SPATA6L: variants seen among roughly 807,000 people sequenced by gnomAD.
The protein encoded by SPATA6L is spermatogenesis associated 6 like, also known as spermatogenesis associated 6-like protein.
SPATA6L carries 68 observed loss-of-function variants against 49.2 expected under a neutral mutation model. The observed-to-expected ratio is 1.38, with a 90% CI of 1.14 to 1.69. The LOEUF (loss-of-function observed/expected upper bound fraction) is 1.69. SPATA6L is among the 40% of genes most tolerant of loss of function. SPATA6L has a pLI of 0.00. For missense variants in SPATA6L, 668 were observed against 464.3 expected (o/e 1.44, Z -4.03); for synonymous variants, 198 against 165.7 (o/e 1.19, Z -1.50).
chr9:4,623,666 G>A (rs1013392403), intron 6 of SPATA6L, among the ~76,000 whole-genome samples: 17 of 151,998 alleles, frequency 1.1e-4, no homozygotes, highest in Middle Eastern at 3.2e-3. Context: ...AAAGACTTTG[G>A]CACATAGGAA....
chr9:4,609,759 C>G (rs1403202195), intron 9 of SPATA6L, among the ~76,000 whole-genome samples: 2 of 151,324 alleles, frequency 1.3e-5, no homozygotes, highest in African/African-American at 2.4e-5. Flanking sequence ...CCTCTCTCAC[C>G]ACTCCTATTC....
At chr9:4,616,721 G>C (rs914474000) in intron 9 of SPATA6L, among the ~76,000 whole-genome samples, 1 of 152,188 alleles carries the variant, frequency 6.6e-6, no homozygotes, top group Non-Finnish European at 1.5e-5. Context: ...GAGTAGCTGG[G>C]ATTACAGGCA....
intron 5 of SPATA6L, 83 bp from the exon 6 acceptor site, chr9:4,625,649 G>C (rs781311076): frequency 1.0e-6 from 1 of 998,422 alleles, no homozygotes; most frequent in Non-Finnish European, 1.4e-6. Flanking sequence ...GTATTTAATT[G>C]AATTTTTAAA....
intron 3 of SPATA6L, among the ~76,000 whole-genome samples, chr9:4,636,373 T>C (rs1035745183): frequency 6.6e-6 from 1 of 152,248 alleles, no homozygotes; most frequent in African/African-American, 2.4e-5. Context: ...AAGTTGATTA[T>C]ATTAACTACA....
intron 3 of SPATA6L, 97 bp from the exon 4 acceptor site, chr9:4,635,496 G>A: frequency 2.5e-6 from 3 of 1,208,534 alleles, no homozygotes; most frequent in Non-Finnish European, 3.4e-6. Flanking sequence ...ATGGCACTCA[G>A]GTAAAAATAG....
chr9:4,646,601 A>G (rs983347241), intron 3 of SPATA6L: 96 of 888,850 alleles, frequency 1.1e-4, no homozygotes, highest in Middle Eastern at 2.7e-4. Context: ...TAAGTTTTAA[A>G]CTGTCATAAA....
intron 5 of SPATA6L, chr9:4,626,211 T>A: frequency 3.7e-6 from 1 of 269,044 alleles, no homozygotes; most frequent in South Asian, 6.9e-5. Flanking sequence ...TTCTTCGCCT[T>A]AACAGCTGCA....
At chr9:4,606,943 G>T (rs1372461791) in intron 9 of SPATA6L, among the ~76,000 whole-genome samples, 1 of 145,184 alleles carries the variant, frequency 6.9e-6, no homozygotes, top group East Asian at 2.1e-4. Context: ...ACAGAGAAGT[G>T]CTTAAAGGAG....
At chr9:4,654,823 G>T (rs1341484297) in intron 3 of SPATA6L, among the ~76,000 whole-genome samples, 3 of 152,078 alleles carry the variant, frequency 2.0e-5, no homozygotes, top group Admixed American at 6.5e-5. Context: ...GGCACAGGAT[G>T]GGGGCATGGT....
At chr9:4,595,704 C>G (rs1822203870), downstream of SPATA6L, among the ~76,000 whole-genome samples, 1 of 152,220 alleles carries the variant, frequency 6.6e-6, no homozygotes, top group Admixed American at 6.5e-5. Context: ...CAATACCCCA[C>G]TGTTTCTAAC....
At chr9:4,663,082 G>A (rs368909032) in intron 1 of SPATA6L, 5 of 1,613,950 alleles carry the variant, frequency 3.1e-6, no homozygotes, top group Non-Finnish European at 4.2e-6. Flanking sequence ...ATTCCACTGA[G>A]GGTGCTGGTG....
Position 4,662,726 on chromosome 9 carries a change from G to A in SPATA6L, c.40-690C>T. ...TCGACCTGTGGCTGTCCAAGAAGCTGGGGGTGTGCGCGGGAGAGAGCTCGT... is the reference window on the plus strand; with the variant it reads ...TCGACCTGTGGCTGTCCAAGAAGCTAGGGGTGTGCGCGGGAGAGAGCTCGT... On this transcript the variant is annotated intron_variant, in intron 1 of 11. Transcript: ENST00000682582. The surrounding 1 kb of genome is among the most constrained non-coding windows in gnomAD (Gnocchi z 4.9). The A allele has an allele frequency of 6.2e-7, 1 of 1,602,856 alleles. No homozygotes were observed. The highest frequency in any genetic ancestry group is 8.5e-7 in the Non-Finnish European group (1 of 1,179,928).
chr9:4,638,786 T>C (rs1349678007), intron 3 of SPATA6L, among the ~76,000 whole-genome samples: 1 of 125,008 alleles, frequency 8.0e-6, no homozygotes, highest in Non-Finnish European at 1.6e-5. Context: ...TTTTCTTTTC[T>C]TTTCTTTTTT....
chr9:4,606,043 G>T (rs1404522228), intron 9 of SPATA6L, among the ~76,000 whole-genome samples: 3 of 150,796 alleles, frequency 2.0e-5, no homozygotes, highest in Non-Finnish European at 4.4e-5. Flanking sequence ...TCAAAGAAAG[G>T]GGTGACAGAT....
rs570837452 is a variant in SPATA6L, at chr9:4,643,034, G to A, written c.227-7635C>T. The stretch of plus-strand genomic sequence containing the variant: ...TTATCTATTTATTTATTTAGATGGA[G>A]TCTGGCTCTGTGGCCCAGGCTGGAG... On this transcript the variant is annotated intron_variant, in intron 3 of 11. Coordinates refer to ENST00000682582, the MANE Select transcript of SPATA6L (RefSeq NM_001353486.2). Among the ~76,000 whole-genome samples the A allele has an allele frequency of 1.3e-4, 20 of 152,254 alleles. No homozygotes were observed. In the South Asian group the frequency reaches 4.1e-3, roughly 32 times the overall value.
Position 4,656,089 on chromosome 9 carries a change from C to G in SPATA6L, c.178G>C (p.Val60Leu). 3.7e-6 allele frequency: 6 copies of G among 1,611,872 alleles called. No individual in the cohort carries two copies. Among genetic ancestry groups the G allele is most frequent in the Non-Finnish European group, 5.1e-6 (6 of 1,178,848 alleles). ...CCAGGATCTACTGCACTTTCAAATACCTGCAGAGAAAAATGGGGAAAATAA... is the reference window on the plus strand; with the variant it reads ...CCAGGATCTACTGCACTTTCAAATAGCTGCAGAGAAAAATGGGGAAAATAA... ...MIQESMRFEK[V>L]FESAVDPGAV... The change falls in exon 3 of 12, where the codon GTA (valine) becomes CTA (leucine). Residue 60 changes from valine to leucine, a missense_variant and splice_region_variant. Coordinates refer to ENST00000682582, the MANE Select transcript of SPATA6L (RefSeq NM_001353486.2).
At chr9:4,649,627 T>C (rs1487463193) in intron 3 of SPATA6L, among the ~76,000 whole-genome samples, 4 of 152,216 alleles carry the variant, frequency 2.6e-5, no homozygotes, top group Non-Finnish European at 5.9e-5. Flanking sequence ...CGCAAGATAC[T>C]TCACTGAAAA....
In SPATA6L at chr9:4,598,552, G is replaced by A. The variant is rs1822526046; in HGVS notation, c.*2259C>T. 6.6e-6 allele frequency among the ~76,000 whole-genome samples: 1 copy of A among 152,170 alleles called. No homozygotes were observed. Among genetic ancestry groups the A allele is most frequent in the Non-Finnish European group, 1.5e-5 (1 of 68,036 alleles). On this transcript the variant is annotated 3_prime_UTR_variant, in exon 12 of 12. Transcript: ENST00000682582. ...GTAAAGGGAAAAAAAGCGTAATTTA[G>A]TGTGAAAACCAAAAATGACTTTAAA... is the stretch of plus-strand genomic sequence containing the variant.
At chr9:4,621,587 C>A (rs974478482) in intron 7 of SPATA6L, among the ~76,000 whole-genome samples, 1 of 152,048 alleles carries the variant, frequency 6.6e-6, no homozygotes, top group Non-Finnish European at 1.5e-5. Flanking sequence ...CTCCCGGGTT[C>A]AAGCGATTCT....
Sources: gnomAD v4.1 joint callset for allele counts (sites outside exome capture counted in the v4.1 genomes callset) on GRCh38, gnomAD v4.1.1 for gene constraint, Gnocchi (gnomAD v3.1) non-coding constraint, MANE v1.5 for transcripts, NCBI Gene and HGNC (gene_info 2026-07-23, HGNC 2026-07-21) for gene names.